The following NTRK3 variants were observed in gnomAD, a reference collection of about 807,000 sequenced individuals.
NTRK3 encodes the protein NT-3 growth factor receptor.
In NTRK3, 24 loss-of-function variants were observed where a neutral mutation model predicts 91.7. The observed-to-expected ratio is 0.26, with a 90% CI of 0.19 to 0.37. The LOEUF (loss-of-function observed/expected upper bound fraction) is 0.37. NTRK3 is among the 10% of genes least tolerant of loss of function. NTRK3 has a pLI of 1.00. For missense variants in NTRK3, 880 were observed against 1,068.9 expected, an observed-to-expected ratio of 0.82 and a Z score of 2.46; for synonymous variants, 483 against 404.0, an observed-to-expected ratio of 1.20 and a Z score of -2.34.
At chr15:87,870,221 CAT>C in exon 19 of NTRK3, 1 of 183,558 alleles carries the variant, frequency 5.4e-6, no homozygotes, top group Non-Finnish European at 1.1e-5. Context: ...CACACACAAA[CAT>C]ATATATGTAT....
chr15:88,150,795 C>A (rs542850708), intron 5 of NTRK3, among the ~76,000 whole-genome samples: 1 of 152,158 alleles, frequency 6.6e-6, no homozygotes, highest in Admixed American at 6.5e-5. Flanking sequence ...CATATACACA[C>A]CACAAAACAA....
At chr15:87,868,268 C>T in exon 19 of NTRK3, 1 of 229,312 alleles carries the variant, frequency 4.4e-6, no homozygotes, top group Non-Finnish European at 8.7e-6. Context: ...GAATAAAACA[C>T]AATGCTGATA....
At chr15:87,896,201 A>G (rs1395900075) in intron 17 of NTRK3, among the ~76,000 whole-genome samples, 1 of 152,186 alleles carries the variant, frequency 6.6e-6, no homozygotes, top group Non-Finnish European at 1.5e-5. Context: ...GGCCAGGTGC[A>G]GTGGCTCACG....
At chr15:88,127,399 C>G (rs958495009) in intron 11 of NTRK3, among the ~76,000 whole-genome samples, 173 bp from the exon 12 acceptor site, 1 of 152,132 alleles carries the variant, frequency 6.6e-6, no homozygotes, top group Admixed American at 6.5e-5. Context: ...CCCCCACCCC[C>G]ACAGACCAGG....
chr15:88,133,020 G>A (rs1165689974), intron 10 of NTRK3, among the ~76,000 whole-genome samples: 1 of 152,092 alleles, frequency 6.6e-6, no homozygotes, highest in African/African-American at 2.4e-5. Flanking sequence ...AGTCACCTGG[G>A]GGCTTGTTAA....
At chr15:88,142,844 G>T (rs2042520083) in intron 6 of NTRK3, among the ~76,000 whole-genome samples, 1 of 152,200 alleles carries the variant, frequency 6.6e-6, no homozygotes, top group Non-Finnish European at 1.5e-5. Flanking sequence ...AGTCTTGGCA[G>T]ATGTAATCAA....
chr15:88,024,035 A>G (rs187501333), intron 14 of NTRK3, among the ~76,000 whole-genome samples: 2 of 152,330 alleles, frequency 1.3e-5, no homozygotes, highest in African/African-American at 2.4e-5. Flanking sequence ...GGTGACAGAA[A>G]TCTATATCAC....
At chr15:88,127,047 CTTT>C in intron 12 of NTRK3, 112 bp downstream of exon 12, 1 of 867,506 alleles carries the variant, frequency 1.2e-6, no homozygotes, top group Non-Finnish European at 1.9e-6. Context: ...CAATTCATTA[CTTT>C]TTTTTTTCAA....
chr15:87,880,649 G>A (rs1470090979), intron 17 of NTRK3, among the ~76,000 whole-genome samples: 1 of 152,186 alleles, frequency 6.6e-6, no homozygotes, highest in East Asian at 1.9e-4. Context: ...CCTGAGGGAA[G>A]GTAGGTTCCT....
intron 3 of NTRK3, among the ~76,000 whole-genome samples, chr15:88,214,749 T>G (rs1354349969): frequency 6.6e-6 from 1 of 151,162 alleles, no homozygotes; most frequent in Non-Finnish European, 1.5e-5. Context: ...AGATGCAACC[T>G]CTCTGGAACG....
chr15:88,237,346 C>T lies in NTRK3; in HGVS notation c.248+18560G>A, dbSNP rs529951334. Among the ~76,000 whole-genome samples, 1 of 152,208 alleles carries T rather than the reference C, an allele frequency of 6.6e-6. No individual in the cohort carries two copies. Among genetic ancestry groups the T allele is most frequent in the East Asian group, 1.9e-4 (1 of 5,176 alleles). The stretch of plus-strand genomic sequence containing the variant: ...TGTCCCAAAGAAAACAATTCCATAG[C>T]CCTATTTTGTGACCCATTGTTTTGG... On this transcript the variant is annotated intron_variant, in intron 3 of 18. Coordinates refer to ENST00000394480, the Ensembl canonical transcript of NTRK3. The surrounding 1 kb of genome is among the most constrained non-coding windows in gnomAD (Gnocchi z 4.0).
At chr15:88,167,456 T>C (rs535887157) in intron 5 of NTRK3, among the ~76,000 whole-genome samples, 1 of 152,342 alleles carries the variant, frequency 6.6e-6, no homozygotes, top group South Asian at 2.1e-4. Flanking sequence ...CCTACTCTAC[T>C]ACTTCTAGCT....
At chr15:87,890,124 G>T (rs577899151) in intron 17 of NTRK3, among the ~76,000 whole-genome samples, 7 of 152,134 alleles carry the variant, frequency 4.6e-5, no homozygotes, top group African/African-American at 1.7e-4. Context: ...TACCTGACCA[G>T]GTATCCAGAG....
Position 87,933,844 on chromosome 15 carries a change from C to T in NTRK3, c.1717-660G>A, listed in dbSNP as rs1021067011. Among the ~76,000 whole-genome samples the T allele has an allele frequency of 4.6e-5, 7 of 152,256 alleles. No homozygotes were observed. In the East Asian group the frequency reaches 1.4e-3, roughly 29 times the overall value. ...AATGGCAGTTAGTGGACAGAAATCT[C>T]AGATACACTCAGGGCCAGGCAGAGT... is the stretch of plus-strand genomic sequence containing the variant. On this transcript the variant is annotated intron_variant, in intron 15 of 18. Transcript: ENST00000394480.
intron 14 of NTRK3, among the ~76,000 whole-genome samples, chr15:87,950,646 T>G (rs1355204431): frequency 6.6e-6 from 1 of 152,166 alleles, no homozygotes; most frequent in African/African-American, 2.4e-5. Flanking sequence ...GTTGTTTTCA[T>G]GAGCGAAATT....
At chr15:88,048,612 G>C (rs952309481) in intron 13 of NTRK3, among the ~76,000 whole-genome samples, 6 of 152,172 alleles carry the variant, frequency 3.9e-5, no homozygotes, top group African/African-American at 1.4e-4. Flanking sequence ...CACAATAGTA[G>C]GATTTTGCTC....
chr15:88,086,185 C>T (rs901831330), intron 13 of NTRK3, among the ~76,000 whole-genome samples: 1 of 152,246 alleles, frequency 6.6e-6, no homozygotes, highest in African/African-American at 2.4e-5. Flanking sequence ...GTTACCCAGT[C>T]TCACGACTGC....
chr15:87,870,076 T>C (rs1053840538), exon 19 of NTRK3: 3 of 187,194 alleles, frequency 1.6e-5, no homozygotes, highest in African/African-American at 4.7e-5. Flanking sequence ...ACATAAGAGA[T>C]AGAGATACTT....
intron 14 of NTRK3, among the ~76,000 whole-genome samples, chr15:88,009,550 A>G (rs1023831391): frequency 7.9e-5 from 12 of 152,190 alleles, no homozygotes; most frequent in African/African-American, 2.9e-4. Context: ...GAACCTTGTC[A>G]AGTTTTACTT....
Sources: gnomAD v4.1 joint callset for allele counts (sites outside exome capture counted in the v4.1 genomes callset) on GRCh38, gnomAD v4.1.1 for gene constraint, Gnocchi (gnomAD v3.1) non-coding constraint, MANE v1.5 for transcripts, NCBI Gene and HGNC (gene_info 2026-07-23, HGNC 2026-07-21) for gene names.